Variants in THRAP3 observed in about 807,000 individuals in gnomAD.
The protein encoded by THRAP3 is thyroid hormone receptor-associated protein 3.
In THRAP3, 16 loss-of-function variants were observed where a neutral mutation model predicts 101.0. The observed-to-expected ratio is 0.16, with a 90% CI of 0.11 to 0.24. The LOEUF (loss-of-function observed/expected upper bound fraction) is 0.24. THRAP3 is among the 10% of genes least tolerant of loss of function. THRAP3 has a pLI of 1.00. For missense variants in THRAP3, 989 were observed against 1,202.7 expected (o/e 0.82, Z 2.63); for synonymous variants, 407 against 422.6 (o/e 0.96, Z 0.45).
chr1:36,224,721 G>T (rs949544996), intron 1 of THRAP3, among the ~76,000 whole-genome samples: 1 of 152,118 alleles, frequency 6.6e-6, no homozygotes, highest in Non-Finnish European at 1.5e-5. Flanking sequence ...CCCCGGCCTA[G>T]CTCCCAAGGC....
intron 3 of THRAP3, among the ~76,000 whole-genome samples, chr1:36,282,905 C>G (rs978579285): frequency 6.6e-6 from 1 of 152,206 alleles, no homozygotes; most frequent in Non-Finnish European, 1.5e-5. Context: ...TGCCTGATTC[C>G]TTTCCTCTGC....
At chr1:36,292,333 G>A (rs1426944579) in intron 6 of THRAP3, among the ~76,000 whole-genome samples, 6 of 131,452 alleles carry the variant, frequency 4.6e-5, no homozygotes, top group Non-Finnish European at 7.8e-5. Flanking sequence ...GTGCAGTGGC[G>A]GGATCTCAGC....
At chr1:36,220,972 A>AAT (rs1228406695), upstream of THRAP3, among the ~76,000 whole-genome samples, 2,835 of 93,746 alleles carry the variant, frequency 0.03, 113 homozygotes, top group Non-Finnish European at 0.041. Flanking sequence ...AAAAAAAAAA[A>AAT]ATATATATAT....
At chr1:36,211,985 C>G in the THRAP3 span, among the ~76,000 whole-genome samples, 1 of 152,136 alleles carries the variant, frequency 6.6e-6, no homozygotes, top group Non-Finnish European at 1.5e-5. Flanking sequence ...TAGAAGAAAT[C>G]CAACCCCAAC....
Position 36,271,505 on chromosome 1 carries a change from A to T in THRAP3, c.-31-11028A>T, listed in dbSNP as rs187085116. Among the ~76,000 whole-genome samples, 296 of 149,918 alleles carry T rather than the reference A, an allele frequency of 2.0e-3. 1 individual carries two copies. Among genetic ancestry groups the T allele is most frequent in the Non-Finnish European group, 2.8e-3 (187 of 67,658 alleles). On this transcript the variant is annotated intron_variant, in intron 2 of 11. Coordinates refer to ENST00000354618, the MANE Select transcript of THRAP3 (RefSeq NM_005119.4). Reference sequence around the variant, plus strand: ...ACCATGTTGGTCAGGCTAGTCTCGAACTCCTGACCTCGTGATCTGCCTACC... The same window carrying T: ...ACCATGTTGGTCAGGCTAGTCTCGATCTCCTGACCTCGTGATCTGCCTACC...
chr1:36,271,636 G>A (rs190431089), intron 2 of THRAP3, among the ~76,000 whole-genome samples: 10 of 117,458 alleles, frequency 8.5e-5, no homozygotes, highest in Middle Eastern at 6.8e-3. Flanking sequence ...TCTTTCTGTC[G>A]CACAAGCTGG....
upstream of THRAP3, among the ~76,000 whole-genome samples, chr1:36,219,774 C>T (rs1644893858): frequency 6.6e-6 from 1 of 152,132 alleles, no homozygotes; most frequent in African/African-American, 2.4e-5. Flanking sequence ...CCACTGGAAG[C>T]AGATGGCATC....
intron 2 of THRAP3, among the ~76,000 whole-genome samples, chr1:36,278,545 A>G (rs981656134): frequency 1.3e-5 from 2 of 152,136 alleles, no homozygotes; most frequent in Admixed American, 1.3e-4. Flanking sequence ...TACCCTCTCA[A>G]GTGTCTCTGC....
chr1:36,270,390 GACAC>G lies in THRAP3; in HGVS notation c.-32+10917_-32+10920del, dbSNP rs766697376. Among the ~76,000 whole-genome samples the G allele has an allele frequency of 4.0e-4, 60 of 151,506 alleles. 1 individual carries two copies. The highest frequency in any genetic ancestry group is 6.8e-3 in the Middle Eastern group (2 of 294). On this transcript the variant is annotated intron_variant, in intron 2 of 11. Transcript: ENST00000354618. ...GTCTGAAACAACAGAGTGAGACCCT[GACAC>G]ACACACACACGCACACAGGCACACG...
intron 1 of THRAP3, among the ~76,000 whole-genome samples, chr1:36,251,162 GTTTAC>G (rs757621807): frequency 3.9e-5 from 6 of 152,170 alleles, no homozygotes; most frequent in Non-Finnish European, 5.9e-5. Context: ...TCAAGGAGTA[GTTTAC>G]TTTAGTAGTA....
intron 2 of THRAP3, among the ~76,000 whole-genome samples, chr1:36,261,258 T>C (rs974657734): frequency 1.3e-5 from 2 of 151,382 alleles, no homozygotes; most frequent in South Asian, 2.1e-4. Context: ...TTAGGCCGGG[T>C]GCGGTGGCTC....
chr1:36,270,642 A>C (rs1363028056), intron 2 of THRAP3, among the ~76,000 whole-genome samples: 1 of 142,454 alleles, frequency 7.0e-6, no homozygotes, highest in African/African-American at 2.6e-5. Context: ...CAGTGGCGCA[A>C]TCTTGGCTCA....
In THRAP3 at chr1:36,286,581, A is replaced by G; in HGVS notation, c.351A>G (p.Ala117=). The stretch of plus-strand genomic sequence containing the variant: ...CAAATTGGCAGAATTACCGGCAAGC[A>G]TACAGTCCTCGTCGAGGCCGTTCAA... The part of the protein sequence containing the change: ...YRSNWQNYRQ[A]YSPRRGRSRS... The change falls in exon 4 of 12, where the codon GCA becomes GCG. Residue 117 remains alanine, a synonymous_variant. Coordinates refer to ENST00000354618, the MANE Select transcript of THRAP3 (RefSeq NM_005119.4). The surrounding 1 kb of genome is among the most constrained non-coding windows in gnomAD (Gnocchi z 5.5). The G allele has an allele frequency of 6.2e-7, 1 of 1,614,184 alleles. No homozygotes were observed. Among genetic ancestry groups the G allele is most frequent in the Non-Finnish European group, 8.5e-7 (1 of 1,180,022 alleles).
chr1:36,279,774 T>G (rs900635915), intron 2 of THRAP3, among the ~76,000 whole-genome samples: 3 of 152,214 alleles, frequency 2.0e-5, no homozygotes, highest in Non-Finnish European at 2.9e-5. Flanking sequence ...TTCCTAGGCG[T>G]TTTTTGTCTT....
chr1:36,214,001 A>AGAAAGAAAGAAAGAAAGAAAG, the THRAP3 span, among the ~76,000 whole-genome samples: 1 of 31,610 alleles, frequency 3.2e-5, no homozygotes, highest in Non-Finnish European at 6.3e-5. Flanking sequence ...AAGAAAGGAA[A>AGAAAGAAAGAAAGAAAGAAAG]GAAAGAAAGA....
chr1:36,260,410 ATC>A (rs1245429566), intron 2 of THRAP3, among the ~76,000 whole-genome samples: 1 of 152,060 alleles, frequency 6.6e-6, no homozygotes, highest in Non-Finnish European at 1.5e-5. Flanking sequence ...CTTTTGGTAT[ATC>A]TCTCTAAATA....
the THRAP3 span, among the ~76,000 whole-genome samples, chr1:36,216,405 T>C: frequency 6.8e-6 from 1 of 147,996 alleles, no homozygotes; most frequent in African/African-American, 2.5e-5. Context: ...TCCCAGCTAC[T>C]CGGGAGGCAG....
rs1463969172 is a variant in THRAP3, at chr1:36,286,945, G to T, written c.715G>T (p.Val239Phe). ...TGGTTCTGCATCACGGGCCTCAGCA[G>T]TTTCTGAGCTGAGTCCTCGGGAGCG... ...GTGSASRASA[V>F]SELSPRERSP... Residue 239 changes from valine (V) to phenylalanine (F), a missense_variant, in exon 4 of 12, where the codon GTT becomes TTT. By Grantham distance (50) the Val-to-Phe change is conservative. Transcript: ENST00000354618. This position sits in a 1 kb window ranked among gnomAD's most constrained non-coding sequence, Gnocchi z 5.5. 6.2e-7 allele frequency: 1 copy of T among 1,614,128 alleles called. No individual in the cohort carries two copies. The highest frequency in any genetic ancestry group is 1.3e-5 in the African/African-American group (1 of 74,944).
Position 36,295,656 on chromosome 1 carries a change from C to G in THRAP3, c.2116-927C>G, listed in dbSNP as rs189736461. ...CCCTGTTTCTTTGGTTTCTTTCCCC[C>G]TTCCCCTTCCTTTCCCTTTCCTTTC... is the stretch of plus-strand genomic sequence containing the variant. On this transcript the variant is annotated intron_variant, in intron 8 of 11. Coordinates refer to ENST00000354618, the MANE Select transcript of THRAP3 (RefSeq NM_005119.4). Among the ~76,000 whole-genome samples, 62 of 151,418 alleles carry G rather than the reference C, an allele frequency of 4.1e-4. 1 individual carries two copies. The highest frequency in any genetic ancestry group is 7.4e-5 in the Non-Finnish European group (5 of 67,946).
Sources: gnomAD v4.1 joint callset for allele counts (sites outside exome capture counted in the v4.1 genomes callset) on GRCh38, gnomAD v4.1.1 for gene constraint, Gnocchi (gnomAD v3.1) non-coding constraint, MANE v1.5 for transcripts, NCBI Gene and HGNC (gene_info 2026-07-23, HGNC 2026-07-21) for gene names.